The following NELL1 variants were observed in gnomAD, a reference collection of about 807,000 sequenced individuals.
NELL1 encodes neural EGFL like 1.
A neutral mutation model predicts 107.4 loss-of-function variants in NELL1; 76 were observed. That is an observed-to-expected ratio of 0.71 (90% CI 0.59 to 0.86). NELL1 has a LOEUF of 0.86. Among genes scored for constraint, NELL1 ranks in the 40% least tolerant of loss-of-function variants. NELL1 has a pLI of 0.00. For missense variants in NELL1, 1,024 were observed against 1,005.5 expected, an observed-to-expected ratio of 1.02 and a Z score of -0.25; for synonymous variants, 353 against 341.2, an observed-to-expected ratio of 1.03 and a Z score of -0.38.
At chr11:20,843,680 T>C (rs1275732593) in intron 3 of NELL1, among the ~76,000 whole-genome samples, 1 of 97,434 alleles carries the variant, frequency 1.0e-5, no homozygotes, top group African/African-American at 2.9e-5. Context: ...ATTTTAATAT[T>C]ATGTATGTAA....
intron 12 of NELL1, among the ~76,000 whole-genome samples, chr11:20,988,033 G>A (rs1411736964): frequency 1.3e-5 from 2 of 151,784 alleles, no homozygotes; most frequent in Non-Finnish European, 2.9e-5. Flanking sequence ...CCTGTGCTCA[G>A]CGTTCTGAGT....
At chr11:21,167,406 T>C (rs1856508845) in intron 13 of NELL1, among the ~76,000 whole-genome samples, 1 of 151,842 alleles carries the variant, frequency 6.6e-6, no homozygotes, top group African/African-American at 2.4e-5. Context: ...AACATTGTGG[T>C]TGGCTTGAGC....
chr11:21,030,419 G>A (rs1298239679), intron 12 of NELL1, among the ~76,000 whole-genome samples: 3 of 152,128 alleles, frequency 2.0e-5, no homozygotes, highest in African/African-American at 4.8e-5. Context: ...CAGCCTTTTT[G>A]ATATTCAGCT....
intron 2 of NELL1, among the ~76,000 whole-genome samples, chr11:20,766,580 G>T (rs1258529203): frequency 1.3e-5 from 2 of 152,192 alleles, no homozygotes; most frequent in South Asian, 2.1e-4. Flanking sequence ...GGGCAAGGTT[G>T]AGAGAGCAAC....
Position 20,993,773 on chromosome 11 carries a change from A to G in NELL1, c.1300+33213A>G, listed in dbSNP as rs541318761. 3.3e-5 allele frequency among the ~76,000 whole-genome samples: 5 copies of G among 152,156 alleles called. No homozygotes were observed. In the South Asian group the frequency reaches 1.0e-3, roughly 32 times the overall value. On this transcript the variant is annotated intron_variant, in intron 12 of 19. Transcript: ENST00000357134. ...CAAGAAAAATGTCTGTACATATTCAATACAGACACAAACATCAATTTTTTT... is the reference window on the plus strand; with the variant it reads ...CAAGAAAAATGTCTGTACATATTCAGTACAGACACAAACATCAATTTTTTT...
At chr11:20,737,518 G>A (rs2133929817) in intron 2 of NELL1, among the ~76,000 whole-genome samples, 1 of 152,198 alleles carries the variant, frequency 6.6e-6, no homozygotes, top group East Asian at 1.9e-4. Context: ...TTTTTAATGT[G>A]TTGTGCCTCA....
At chr11:21,201,144 G>A (rs1857260711) in intron 13 of NELL1, among the ~76,000 whole-genome samples, 1 of 152,140 alleles carries the variant, frequency 6.6e-6, no homozygotes. Context: ...GAAATTTAAA[G>A]TAGTTTTTTC....
intron 14 of NELL1, among the ~76,000 whole-genome samples, chr11:21,248,134 C>T (rs1340112184): frequency 2.6e-5 from 4 of 152,030 alleles, no homozygotes; most frequent in African/African-American, 4.8e-5. Flanking sequence ...GGCTTGAGCT[C>T]AGGAGTTCAA....
rs904714542 is a variant in NELL1, at chr11:21,492,376, C to G, written c.1646-41998C>G. 7.6e-4 allele frequency among the ~76,000 whole-genome samples: 115 copies of G among 152,070 alleles called. 1 individual carries two copies. The highest frequency in any genetic ancestry group is 2.7e-3 in the African/African-American group (110 of 41,476). On this transcript the variant is annotated intron_variant, in intron 15 of 19. Transcript: ENST00000357134. ...TCTAGAACTAGAAATACCATTTGAC[C>G]CAGCCATCCCATTTACTGGGTATAT...
intron 2 of NELL1, among the ~76,000 whole-genome samples, chr11:20,750,890 G>A (rs996429877): frequency 1.3e-5 from 2 of 152,048 alleles, no homozygotes; most frequent in African/African-American, 4.8e-5. Flanking sequence ...GCCCAGCCTG[G>A]AATTAATTTT....
intron 14 of NELL1, among the ~76,000 whole-genome samples, chr11:21,313,637 A>G (rs77885925): frequency 0.024 from 3,631 of 152,262 alleles, 148 homozygotes; most frequent in African/African-American, 0.084. Flanking sequence ...CCAAGGTCAA[A>G]GGGCTGCATC....
chr11:20,716,089 AATGT>A (rs1855243800), intron 2 of NELL1, among the ~76,000 whole-genome samples: 2 of 152,384 alleles, frequency 1.3e-5, no homozygotes, highest in Admixed American at 1.3e-4. Flanking sequence ...GAATGCAGCC[AATGT>A]ATGAAATAAA....
chr11:21,405,880 C>T (rs535454794), intron 15 of NELL1, among the ~76,000 whole-genome samples: 2 of 152,074 alleles, frequency 1.3e-5, no homozygotes, highest in African/African-American at 2.4e-5. Flanking sequence ...CTTTTAACTA[C>T]ATTAGTCCTG....
At chr11:21,194,896 A>G (rs947150766) in intron 13 of NELL1, among the ~76,000 whole-genome samples, 2 of 152,158 alleles carry the variant, frequency 1.3e-5, no homozygotes, top group African/African-American at 4.8e-5. Flanking sequence ...GGGAGTAAGC[A>G]GATTACAGGG....
At chr11:20,773,902 C>G (rs930832920) in intron 2 of NELL1, among the ~76,000 whole-genome samples, 1 of 152,156 alleles carries the variant, frequency 6.6e-6, no homozygotes, top group Non-Finnish European at 1.5e-5. Context: ...ATGAGGGACT[C>G]ACTCTCTGGT....
At chr11:20,822,656 A>C (rs1370425376) in intron 3 of NELL1, among the ~76,000 whole-genome samples, 1 of 152,170 alleles carries the variant, frequency 6.6e-6, no homozygotes, top group Non-Finnish European at 1.5e-5. Flanking sequence ...TAGTTCTTAC[A>C]GTCCTTCATG....
chr11:21,136,429 A>G (rs1161794357), intron 13 of NELL1, among the ~76,000 whole-genome samples: 1 of 152,236 alleles, frequency 6.6e-6, no homozygotes, highest in African/African-American at 2.4e-5. Flanking sequence ...CAGTGGTAGG[A>G]TAGTCACTAT....
intron 2 of NELL1, among the ~76,000 whole-genome samples, chr11:20,781,977 G>T (rs944425136): frequency 4.6e-5 from 7 of 151,028 alleles, no homozygotes; most frequent in African/African-American, 7.3e-5. Flanking sequence ...GGAGGTGGAG[G>T]TTGCAGTGAG....
At chr11:21,493,396 A>G (rs1264203514) in intron 15 of NELL1, among the ~76,000 whole-genome samples, 2 of 152,242 alleles carry the variant, frequency 1.3e-5, no homozygotes, top group East Asian at 3.9e-4. Flanking sequence ...ATGAAGTACT[A>G]TTTCTCCATA....
Sources: gnomAD v4.1 joint callset for allele counts (sites outside exome capture counted in the v4.1 genomes callset) on GRCh38, gnomAD v4.1.1 for gene constraint, MANE v1.5 for transcripts, NCBI Gene and HGNC (gene_info 2026-07-23, HGNC 2026-07-21) for gene names.